Variants in PCDHAC2 observed in about 807,000 individuals in gnomAD.
The protein encoded by PCDHAC2 is protocadherin alpha-C2.
A neutral mutation model predicts 63.3 loss-of-function variants in PCDHAC2; 24 were observed. That is an observed-to-expected ratio of 0.38 (90% confidence interval 0.27 to 0.53). PCDHAC2 has a LOEUF of 0.53. Ranked by LOEUF, PCDHAC2 falls within the 20% of genes least tolerant of loss-of-function variation. PCDHAC2 has a pLI of 0.81. For missense variants in PCDHAC2, 1,181 were observed against 1,275.2 expected, an observed-to-expected ratio of 0.93 and a Z score of 1.12; for synonymous variants, 569 against 529.4, an observed-to-expected ratio of 1.07 and a Z score of -1.03.
intron 3 of PCDHAC2, among the ~76,000 whole-genome samples, chr5:140,986,070 A>G (rs1554247713): frequency 6.6e-6 from 1 of 152,126 alleles, no homozygotes; most frequent in African/African-American, 2.4e-5. Flanking sequence ...TTTTAAAGAA[A>G]CTGTTCATTT....
Position 140,967,360 on chromosome 5 carries a change from G to T in PCDHAC2, c.594G>T (p.Lys198Asn). 1 of 1,607,656 alleles carries T rather than the reference G, an allele frequency of 6.2e-7. No individual in the cohort carries two copies. The part of the protein sequence containing the change: ...SPSEHFELDL[K>N]PLQENSKVLE... ...GCGAGCACTTCGAGCTGGACCTTAA[G>T]CCCCTGCAGGAGAACAGTAAAGTGC... The change falls in exon 1 of 4, where the codon AAG (lysine) becomes AAT (asparagine). Residue 198 changes from lysine to asparagine, a missense_variant. Lys to Asn is a moderately conservative substitution (Grantham distance 94). This residue lies in a region of PCDHAC2 where 968 missense variants were observed against 1,073.5 expected (regional missense o/e 0.90). Transcript: ENST00000289269.
intron 3 of PCDHAC2, 66 bp from the exon 4 acceptor site, chr5:141,009,561 A>C: frequency 6.4e-7 from 1 of 1,571,278 alleles, no homozygotes; most frequent in Non-Finnish European, 8.6e-7. Context: ...CCTGTACTCT[A>C]CCAGCAGTGT....
Position 140,966,805 on chromosome 5 carries a change from T to G in PCDHAC2, c.39T>G (p.His13Gln). 1 of 1,545,566 alleles carries G rather than the reference T, an allele frequency of 6.5e-7. No individual in the cohort carries two copies. Among genetic ancestry groups the G allele is most frequent in the East Asian group, 2.4e-5 (1 of 41,512 alleles). ...GCACCAGACCTGCGGCGACAGAGCA[T>G]CCACGGCTCCGGCGGCCCATGCCCT... ...QAGTRPAATEHPRLRRPMPWL... is the reference protein window; with the variant it reads ...QAGTRPAATEQPRLRRPMPWL... Residue 13 changes from histidine (H) to glutamine (Q), a missense_variant, in exon 1 of 4, where the codon CAT (histidine) becomes CAG (glutamine). Around this residue, in one of 3 missense-constraint regions of PCDHAC2, gnomAD observed 210 missense variants for 184.9 expected, o/e 1.14. Coordinates refer to ENST00000289269, the MANE Select transcript of PCDHAC2 (RefSeq NM_018899.6).
chr5:141,001,529 A>T (rs1344687772), intron 3 of PCDHAC2, among the ~76,000 whole-genome samples: 1 of 152,106 alleles, frequency 6.6e-6, no homozygotes, highest in Non-Finnish European at 1.5e-5. Context: ...TCTCTCTCTG[A>T]TCCTGGACAG....
At chr5:140,971,244 A>G (rs1389573593) in intron 1 of PCDHAC2, among the ~76,000 whole-genome samples, 6 of 152,174 alleles carry the variant, frequency 3.9e-5, no homozygotes, top group Non-Finnish European at 8.8e-5. Context: ...GGGCAATTTG[A>G]TACATAAACT....
At chr5:140,996,791 A>G (rs2153942087) in intron 3 of PCDHAC2, among the ~76,000 whole-genome samples, 1 of 152,316 alleles carries the variant, frequency 6.6e-6, no homozygotes, top group Non-Finnish European at 1.5e-5. Context: ...CTCACTCCCT[A>G]CATCCAATCA....
Position 140,969,264 on chromosome 5 carries a change from C to T in PCDHAC2, c.2498C>T (p.Thr833Ile). 1 of 1,614,208 alleles carries T rather than the reference C, an allele frequency of 6.2e-7. No homozygotes were observed. The highest frequency in any genetic ancestry group is 8.5e-7 in the Non-Finnish European group (1 of 1,180,040). ...GCAGTGACTGACAGCAGGAATCTCA[C>T]AGGCCAAAGTGGTCAGAATGCTGGG... ...QAAVTDSRNL[T>I]GQSGQNAGNL... The change falls in exon 1 of 4, where the codon ACA becomes ATA. Residue 833 changes from threonine (T) to isoleucine (I), a missense_variant. Physicochemically the swap from Thr to Ile is moderately conservative, Grantham distance 89 (BLOSUM62 -1). This residue lies in a region of PCDHAC2 where 968 missense variants were observed against 1,073.5 expected (regional missense o/e 0.90). Coordinates refer to ENST00000289269, the MANE Select transcript of PCDHAC2 (RefSeq NM_018899.6).
chr5:140,986,220 T>C (rs2097190951), intron 3 of PCDHAC2, among the ~76,000 whole-genome samples: 1 of 152,194 alleles, frequency 6.6e-6, no homozygotes, highest in African/African-American at 2.4e-5. Flanking sequence ...CCCCTTTCTC[T>C]AGCCTCCCCT....
chr5:141,006,356 C>T (rs1342790572), intron 3 of PCDHAC2, among the ~76,000 whole-genome samples: 4 of 151,920 alleles, frequency 2.6e-5, no homozygotes, highest in South Asian at 2.1e-4. Flanking sequence ...GGACTATAGG[C>T]GCCCACCACC....
chr5:141,009,712 C>T lies in PCDHAC2; in HGVS notation c.2799C>T (p.Pro933=). The T allele has an allele frequency of 1.2e-6, 2 of 1,614,156 alleles. No individual in the cohort carries two copies. Among genetic ancestry groups the T allele is most frequent in the African/African-American group, 1.3e-5 (1 of 75,034 alleles). ...CCTTTAAATACGGACCAGGCAACCC[C>T]AAACAATCCGGTCCCGGTGAGTTGC... is the stretch of plus-strand genomic sequence containing the variant. ...SWTFKYGPGN[P]KQSGPGELPD... is the part of the protein sequence containing the mutation. The change falls in exon 4 of 4, where the codon CCC becomes CCT. Residue 933 remains proline (P), a synonymous_variant. Transcript: ENST00000289269.
Position 141,010,550 on chromosome 5 carries a change from ACC to A in PCDHAC2, c.*617_*618del. 3.2e-6 allele frequency: 1 copy of A among 316,712 alleles called. No individual in the cohort carries two copies. The highest frequency in any genetic ancestry group is 5.8e-6 in the Non-Finnish European group (1 of 172,196). The allele number at this position is 316,712 out of a possible 1,614,324, so 19.6% of individuals were successfully genotyped here. ...CAGCCACCCTCTAGGAGACAAAACT[ACC>A]CCCACTGACAAGGCTTTAGGAGACC... On this transcript the variant is annotated 3_prime_UTR_variant, in exon 4 of 4. Transcript: ENST00000289269.
chr5:140,970,286 C>A (rs2096395973), intron 1 of PCDHAC2, among the ~76,000 whole-genome samples: 2 of 152,174 alleles, frequency 1.3e-5, no homozygotes, highest in Admixed American at 6.5e-5. Context: ...GTAGCCTTTT[C>A]AAGTCCTTCA....
intron 3 of PCDHAC2, among the ~76,000 whole-genome samples, chr5:140,987,362 A>G (rs1490856237): frequency 6.6e-6 from 1 of 152,208 alleles, no homozygotes; most frequent in Non-Finnish European, 1.5e-5. Flanking sequence ...AGGTTGTCTT[A>G]TATCATTACA....
rs1422023127 is a variant in PCDHAC2 at position 140,967,384 on chromosome 5, G to A, written c.618G>A (p.Val206=). Reference sequence around the variant, plus strand: ...AGCCCCTGCAGGAGAACAGTAAAGTGCTTGAGCTGGTGCTGCGTAAGGGCC... The same window carrying A: ...AGCCCCTGCAGGAGAACAGTAAAGTACTTGAGCTGGTGCTGCGTAAGGGCC... The part of the protein sequence containing the change: ...DLKPLQENSK[V]LELVLRKGLD... Residue 206 remains valine (V), a synonymous_variant, in exon 1 of 4, where the codon GTG becomes GTA. Coordinates refer to ENST00000289269, the MANE Select transcript of PCDHAC2 (RefSeq NM_018899.6). The A allele has an allele frequency of 2.5e-6, 4 of 1,609,080 alleles. No individual in the cohort carries two copies. Among genetic ancestry groups the A allele is most frequent in the Non-Finnish European group, 3.4e-6 (4 of 1,176,426 alleles).
At chr5:140,996,129 G>A (rs190965499) in intron 3 of PCDHAC2, among the ~76,000 whole-genome samples, 1 of 152,210 alleles carries the variant, frequency 6.6e-6, no homozygotes, top group Non-Finnish European at 1.5e-5. Flanking sequence ...TGGTGTAGAG[G>A]GTTCTCCCAT....
chr5:140,998,781 C>G (rs1554256464), intron 3 of PCDHAC2, among the ~76,000 whole-genome samples: 1 of 152,162 alleles, frequency 6.6e-6, no homozygotes, highest in East Asian at 1.9e-4. Context: ...TCAGGCTGGT[C>G]TGGAACCCCT....
At chr5:140,997,062 G>T (rs1159348962) in intron 3 of PCDHAC2, among the ~76,000 whole-genome samples, 2 of 151,910 alleles carry the variant, frequency 1.3e-5, no homozygotes, top group African/African-American at 4.8e-5. Flanking sequence ...GCAGTTTTAG[G>T]TTCACAGGAA....
At chr5:140,979,318 T>C (rs2096844474) in intron 2 of PCDHAC2, among the ~76,000 whole-genome samples, 1 of 152,196 alleles carries the variant, frequency 6.6e-6, no homozygotes, top group Non-Finnish European at 1.5e-5. Context: ...CTACCTATGC[T>C]TTCTTTTCCT....
chr5:141,008,241 C>G (rs1474460463), intron 3 of PCDHAC2, among the ~76,000 whole-genome samples: 2 of 152,118 alleles, frequency 1.3e-5, no homozygotes, highest in African/African-American at 2.4e-5. Flanking sequence ...TGCTCAGGGA[C>G]ACCAAATTAG....
Sources: gnomAD v4.1 joint callset for allele counts (sites outside exome capture counted in the v4.1 genomes callset) on GRCh38, gnomAD v4.1.1 for gene constraint, gnomAD v4.1.1 regional missense constraint, MANE v1.5 for transcripts, NCBI Gene and HGNC (gene_info 2026-07-23, HGNC 2026-07-21) for gene names.